The following F8 variants were observed in gnomAD, a reference collection of about 807,000 sequenced individuals.
F8 encodes coagulation factor VIII.
A neutral mutation model predicts 140.6 loss-of-function variants in F8; 12 were observed. The observed-to-expected ratio is 0.09, with a 90% CI of 0.05 to 0.14. The LOEUF (loss-of-function observed/expected upper bound fraction) is 0.14, where lower values mean the gene tolerates loss of function less well. Ranked by LOEUF, F8 falls within the 10% of genes least tolerant of loss-of-function variation. F8 has a pLI of 1.00. For missense variants in F8, 1,354 were observed against 1,720.7 expected (o/e 0.79, Z 3.77); for synonymous variants, 585 against 614.6 (o/e 0.95, Z 0.71).
intron 22 of F8, among the ~76,000 whole-genome samples, chrX:154,893,597 AT>A (rs781832349): frequency 3.6e-5 from 4 of 110,372 alleles, no homozygotes; most frequent in Non-Finnish European, 5.7e-5. Flanking sequence ...CTAAACTCTG[AT>A]TTTTTTTTAT....
At chrX:154,972,626 G>A (rs1344079686) in intron 6 of F8, among the ~76,000 whole-genome samples, 2 of 100,442 alleles carry the variant, frequency 2.0e-5, no homozygotes, top group African/African-American at 7.2e-5. Context: ...CTTACACTAT[G>A]TTTTCTTCTA....
chrX:154,853,673 C>T (rs966953168), intron 25 of F8, among the ~76,000 whole-genome samples: 1 of 112,013 alleles, frequency 8.9e-6, no homozygotes, highest in Non-Finnish European at 1.9e-5. Flanking sequence ...AATTCTCACA[C>T]TGAGTTCTCC....
At chrX:154,996,113 C>T (rs1603436585) in intron 3 of F8, among the ~76,000 whole-genome samples, 1 of 112,347 alleles carries the variant, frequency 8.9e-6, no homozygotes. Context: ...CGTTTCTCCA[C>T]CAATTTTTGG....
chrX:154,978,348 A>C (rs1557283198), intron 6 of F8, among the ~76,000 whole-genome samples: 1 of 111,203 alleles, frequency 9.0e-6, no homozygotes, highest in African/African-American at 3.3e-5. Context: ...TATTTTGTGG[A>C]TACATAGTAG....
At chrX:154,942,499 AG>A (rs2073273918) in intron 13 of F8, among the ~76,000 whole-genome samples, 1 of 110,530 alleles carries the variant, frequency 9.0e-6, no homozygotes, top group African/African-American at 3.3e-5. Flanking sequence ...GACCAATAAC[AG>A]GCTCTGAAAT....
At chrX:154,849,354 G>A (rs1261906746) in intron 25 of F8, among the ~76,000 whole-genome samples, 2 of 110,762 alleles carry the variant, frequency 1.8e-5, no homozygotes, top group Non-Finnish European at 3.8e-5. Flanking sequence ...AGCTGTAATC[G>A]ATATCTTTTA....
chrX:154,980,676 G>C (rs1557283453), intron 6 of F8, among the ~76,000 whole-genome samples: 2 of 111,944 alleles, frequency 1.8e-5, no homozygotes, highest in Non-Finnish European at 3.8e-5. Context: ...AAATTGAGTG[G>C]GGCTGAGTGT....
At chrX:154,941,085 T>G (rs376314289) in intron 13 of F8, among the ~76,000 whole-genome samples, 3 of 111,984 alleles carry the variant, frequency 2.7e-5, no homozygotes, top group East Asian at 5.6e-4. Flanking sequence ...AGACCATCAA[T>G]GCTAGGAAGA....
intron 6 of F8, among the ~76,000 whole-genome samples, chrX:154,979,365 AT>A (rs2073504711): frequency 9.1e-6 from 1 of 110,016 alleles, no homozygotes; most frequent in African/African-American, 3.3e-5. Context: ...GGGCTAAGTG[AT>A]CCCTAGGCCC....
At chrX:154,888,420 A>G in intron 22 of F8, among the ~76,000 whole-genome samples, 1 of 40,566 alleles carries the variant, frequency 2.5e-5, no homozygotes, top group Non-Finnish European at 4.0e-5. Context: ...CCCGAGATGG[A>G]GTCTCACTCT....
chrX:154,881,886 A>G (rs1216079608), intron 22 of F8, among the ~76,000 whole-genome samples: 1 of 111,387 alleles, frequency 9.0e-6, no homozygotes, highest in African/African-American at 3.3e-5. Context: ...ATCGGAAAGG[A>G]ACAAGTAAAA....
chrX:154,863,248 A>G (rs782718907), intron 22 of F8, 21 bp from the exon 23 acceptor site: 1 of 1,198,168 alleles, frequency 8.3e-7, no homozygotes, highest in South Asian at 1.8e-5. Context: ...AGATTAGCAC[A>G]AATACATGGA....
intron 1 of F8, among the ~76,000 whole-genome samples, chrX:155,020,180 C>A (rs1392785844): frequency 9.0e-6 from 1 of 111,555 alleles, no homozygotes; most frequent in African/African-American, 3.3e-5. Context: ...ACTGGCATAG[C>A]AAGATAATAG....
At chrX:154,863,442 G>A (rs1220800001) in intron 22 of F8, among the ~76,000 whole-genome samples, 2 of 111,581 alleles carry the variant, frequency 1.8e-5, no homozygotes, top group Non-Finnish European at 3.8e-5. Context: ...ATTAGGTCTG[G>A]GGCAAGTGAA....
chrX:154,850,440 T>A (rs2072606675), intron 25 of F8, among the ~76,000 whole-genome samples: 2 of 107,373 alleles, frequency 1.9e-5, no homozygotes, highest in African/African-American at 6.8e-5. Flanking sequence ...CAGGCTTGGT[T>A]CTTTTTTTTT....
intron 14 of F8, among the ~76,000 whole-genome samples, chrX:154,924,480 G>A (rs2073149253): frequency 8.9e-6 from 1 of 112,098 alleles, no homozygotes. Flanking sequence ...GATACTGGTG[G>A]CATTTTGCTC....
intron 24 of F8, among the ~76,000 whole-genome samples, chrX:154,861,211 G>A (rs940578770): frequency 9.1e-6 from 1 of 109,904 alleles, no homozygotes; most frequent in Non-Finnish European, 1.9e-5. Context: ...CCTTGTGATC[G>A]GCCCGCCTCA....
intron 25 of F8, among the ~76,000 whole-genome samples, chrX:154,854,276 T>C (rs1476942877): frequency 8.9e-6 from 1 of 112,198 alleles, no homozygotes; most frequent in East Asian, 2.8e-4. Context: ...TTTGAATTGG[T>C]AGACTAAGTA....
intron 22 of F8, among the ~76,000 whole-genome samples, chrX:154,881,490 A>G (rs2072860058): frequency 9.1e-6 from 1 of 109,801 alleles, no homozygotes; most frequent in Non-Finnish European, 1.9e-5. Context: ...CTCTTTATAC[A>G]CTATGACCAA....
Sources: allele counts gnomAD v4.1 joint callset (sites outside exome capture counted in the v4.1 genomes callset), GRCh38; gene constraint gnomAD v4.1.1; transcripts MANE v1.5; gene names NCBI Gene and HGNC (gene_info 2026-07-23, HGNC 2026-07-21).